PCDHGA8: variants seen among roughly 807,000 people sequenced by gnomAD.
PCDHGA8 encodes protocadherin gamma subfamily A, 8.
A neutral mutation model predicts 59.2 loss-of-function variants in PCDHGA8; 45 were observed. The observed-to-expected ratio is 0.76, with a 90% confidence interval of 0.60 to 0.98. The LOEUF is 0.98. Ranked by LOEUF, PCDHGA8 falls within the 50% of genes least tolerant of loss-of-function variation. PCDHGA8 has a pLI of 0.00. For missense variants in PCDHGA8, 1,257 were observed against 1,196.2 expected (o/e 1.05, Z -0.75); for synonymous variants, 531 against 519.0 (o/e 1.02, Z -0.32).
chr5:141,495,900 G>A (rs1403705200), intron 2 of PCDHGA8, among the ~76,000 whole-genome samples: 2 of 151,894 alleles, frequency 1.3e-5, no homozygotes, highest in East Asian at 1.9e-4. Context: ...CTTTGTCTCT[G>A]TCTCTGTATA....
chr5:141,418,389 A>G (rs768078575), intron 1 of PCDHGA8: 1 of 1,613,996 alleles, frequency 6.2e-7, no homozygotes, highest in South Asian at 1.1e-5. Context: ...CCTAACGAGT[A>G]TTTCTCATTG....
At chr5:141,504,545 TGTTGGGGG>T in intron 2 of PCDHGA8, among the ~76,000 whole-genome samples, 1 of 151,524 alleles carries the variant, frequency 6.6e-6, no homozygotes, top group South Asian at 2.1e-4. Flanking sequence ...TCATGGCAAA[TGTTGGGGG>T]ACTGGCATTC....
chr5:141,410,847 GTC>G (rs2095431261), intron 1 of PCDHGA8: 6 of 158,244 alleles, frequency 3.8e-5, no homozygotes, highest in Admixed American at 8.9e-5. Context: ...TTTTGTCTTT[GTC>G]TTTTTTTTTT....
In PCDHGA8 at chr5:141,419,702, G is replaced by A. The variant is rs116279995; in HGVS notation, c.2424+24465G>A. 1.9e-3 allele frequency: 3,028 copies of A among 1,612,950 alleles called. 48 individuals are homozygous for A. In the African/African-American group the frequency reaches 0.033, roughly 18 times the overall value. The stretch of plus-strand genomic sequence containing the variant: ...CCACGTGGTGCAGGCCAGTGAGCCC[G>A]GGCTCTTCAGCCTGGGGCTGCGAAC... On this transcript the variant is annotated intron_variant, in intron 1 of 3. Transcript: ENST00000398604.
chr5:141,484,024 A>G (rs769415978), intron 1 of PCDHGA8, among the ~76,000 whole-genome samples: 14 of 150,914 alleles, frequency 9.3e-5, no homozygotes, highest in Non-Finnish European at 1.6e-4. Flanking sequence ...GTGGGGTGAG[A>G]TCAAGTCTCC....
At chr5:141,474,241 G>A (rs1367530484) in intron 1 of PCDHGA8, among the ~76,000 whole-genome samples, 8 of 151,928 alleles carry the variant, frequency 5.3e-5, no homozygotes, top group East Asian at 1.9e-4. Context: ...TGCTGAATAG[G>A]GGAAAAAAAG....
In PCDHGA8 at chr5:141,491,158, GA is replaced by G; in HGVS notation, c.2425-3648del. On this transcript the variant is annotated intron_variant, in intron 1 of 3. Transcript: ENST00000398604. This position sits in a 1 kb window ranked among gnomAD's most constrained non-coding sequence, Gnocchi z 6.9. ...CCGGGCCTTACTGGAGGATGACTCT[GA>G]CACCCAGCAGGTGGTGGTCCTGGTG... 6.2e-7 allele frequency: 1 copy of G among 1,614,130 alleles called. No homozygotes were observed. The highest frequency in any genetic ancestry group is 8.5e-7 in the Non-Finnish European group (1 of 1,179,972).
At chr5:141,496,011 T>G (rs1232125559) in intron 2 of PCDHGA8, among the ~76,000 whole-genome samples, 1 of 152,114 alleles carries the variant, frequency 6.6e-6, no homozygotes, top group African/African-American at 2.4e-5. Flanking sequence ...ATCTTGTCTT[T>G]TTTCTCTGAG....
chr5:141,472,145 A>C (rs1376068421), intron 1 of PCDHGA8, among the ~76,000 whole-genome samples: 1 of 152,244 alleles, frequency 6.6e-6, no homozygotes, highest in Non-Finnish European at 1.5e-5. Context: ...TAAAAGTTTC[A>C]TGGTTACATA....
rs144113016 is a variant in PCDHGA8 at position 141,428,135 on chromosome 5, G to T, written c.2424+32898G>T. On this transcript the variant is annotated intron_variant, in intron 1 of 3. Coordinates refer to ENST00000398604, the MANE Select transcript of PCDHGA8 (RefSeq NM_032088.2). Reference sequence around the variant, plus strand: ...CCATCGAGCCCGGGCTTTTCAGCCTGGGGCTGCACACGGGAACCTGCTGGT... The same window carrying T: ...CCATCGAGCCCGGGCTTTTCAGCCTTGGGCTGCACACGGGAACCTGCTGGT... 347 of 1,601,046 alleles carry T rather than the reference G, an allele frequency of 2.2e-4. No homozygotes were observed. The African/African-American group carries it at 3.9e-3, about 18-fold the overall frequency.
chr5:141,485,259 G>C lies in PCDHGA8; in HGVS notation c.2425-9548G>C. ...TTTTACCACCTGGGTTACGTTTGTGGGCAGATCCGCTACCCGGTCCCAGAG... is the reference window on the plus strand; with the variant it reads ...TTTTACCACCTGGGTTACGTTTGTGCGCAGATCCGCTACCCGGTCCCAGAG... On this transcript the variant is annotated intron_variant, in intron 1 of 3. Coordinates refer to ENST00000398604, the MANE Select transcript of PCDHGA8 (RefSeq NM_032088.2). The surrounding 1 kb of genome is among the most constrained non-coding windows in gnomAD (Gnocchi z 5.7). 1.2e-6 allele frequency: 2 copies of C among 1,614,136 alleles called. No homozygotes were observed. The highest frequency in any genetic ancestry group is 1.7e-6 in the Non-Finnish European group (2 of 1,180,002).
chr5:141,431,547 T>TA lies in PCDHGA8; in HGVS notation c.2424+36311dup. On this transcript the variant is annotated intron_variant, in intron 1 of 3. Transcript: ENST00000398604. The surrounding 1 kb of genome is among the most constrained non-coding windows in gnomAD (Gnocchi z 4.8). ...CTGGCCTTGGGCACGCAGCTGCTTG[T>TA]AGTCAACGCTACCGACCCTGACGAA... 6.2e-7 allele frequency: 1 copy of TA among 1,614,096 alleles called. No individual in the cohort carries two copies. The highest frequency in any genetic ancestry group is 8.5e-7 in the Non-Finnish European group (1 of 1,180,022).
chr5:141,413,548 A>G, intron 1 of PCDHGA8: 1 of 1,613,946 alleles, frequency 6.2e-7, no homozygotes, highest in Non-Finnish European at 8.5e-7. Context: ...TGGGATAGAA[A>G]TAGAAGTAAC....
chr5:141,458,551 T>A (rs1019302178), intron 1 of PCDHGA8, among the ~76,000 whole-genome samples: 1 of 148,194 alleles, frequency 6.7e-6, no homozygotes, highest in Non-Finnish European at 1.5e-5. Flanking sequence ...TTTGTTTGTT[T>A]GTTTTGGTTT....
intron 1 of PCDHGA8, chr5:141,408,674 A>C (rs1005052894): frequency 6.2e-7 from 1 of 1,613,882 alleles, no homozygotes; most frequent in African/African-American, 1.3e-5. Flanking sequence ...TGACCCTGCC[A>C]CGGATCCTGA....
At position 141,498,971 on chromosome 5, in the gene PCDHGA8, G is replaced by GGGAAGGAAGGAA. The variant is rs201769957; in HGVS notation, c.2483+4152_2483+4163dup. On this transcript the variant is annotated intron_variant, in intron 2 of 3. Coordinates refer to ENST00000398604, the MANE Select transcript of PCDHGA8 (RefSeq NM_032088.2). ...AAAAAGAGAGAGAGGGAGGGAGGGA[G>GGGAAGGAAGGAA]GGAAGGAAGGAAGGAAGGAAGGAAG... 6.8e-3 allele frequency among the ~76,000 whole-genome samples: 758 copies of GGGAAGGAAGGAA among 111,036 alleles called. 12 individuals are homozygous for GGGAAGGAAGGAA. Among genetic ancestry groups the GGGAAGGAAGGAA allele is most frequent in the African/African-American group, 0.021 (585 of 27,816 alleles). 72.8% of individuals were successfully genotyped at this position (111,036 alleles called of 152,430 possible). A position where few individuals can be genotyped will look rare whatever the true frequency, so the allele number is the denominator to read the frequency against.
intron 1 of PCDHGA8, chr5:141,400,310 G>C: frequency 6.2e-7 from 1 of 1,614,084 alleles, no homozygotes; most frequent in African/African-American, 1.3e-5. Context: ...CCTGGTCTCT[G>C]TGTCAAGTCT....
At chr5:141,416,119 T>G (rs930613185) in intron 1 of PCDHGA8, 1 of 155,364 alleles carries the variant, frequency 6.4e-6, no homozygotes, top group Admixed American at 6.5e-5. Flanking sequence ...AACTACATTT[T>G]ATATATTTTT....
chr5:141,418,666 G>C, intron 1 of PCDHGA8: 1 of 1,614,038 alleles, frequency 6.2e-7, no homozygotes, highest in Non-Finnish European at 8.5e-7. Context: ...CCACTGACCA[G>C]GACGAGGGCA....
Sources: gnomAD v4.1 joint callset for allele counts (sites outside exome capture counted in the v4.1 genomes callset) on GRCh38, gnomAD v4.1.1 for gene constraint, Gnocchi (gnomAD v3.1) non-coding constraint, MANE v1.5 for transcripts, NCBI Gene and HGNC (gene_info 2026-07-23, HGNC 2026-07-21) for gene names.